SLC7A1: variants seen among roughly 807,000 people sequenced by gnomAD.
SLC7A1 encodes the protein solute carrier family 7 member 1, also known as high affinity cationic amino acid transporter 1.
In SLC7A1, 10 loss-of-function variants were observed where a neutral mutation model predicts 53.9. That is an observed-to-expected ratio of 0.19 (90% CI 0.11 to 0.31). SLC7A1 has a LOEUF of 0.31. Among genes scored for constraint, SLC7A1 ranks in the 10% least tolerant of loss-of-function variants. The probability of loss-of-function intolerance (pLI) is 1.00; values close to 1 mark genes in which losing one functional copy is unlikely to be tolerated. For synonymous variants in SLC7A1, 342 were observed against 338.7 expected (o/e 1.01, Z -0.11); for missense variants, 525 against 827.2 (o/e 0.63, Z 4.48).
chr13:29,584,205 C>T (rs912810429), intron 1 of SLC7A1, among the ~76,000 whole-genome samples: 11 of 152,126 alleles, frequency 7.2e-5, no homozygotes, highest in African/African-American at 2.4e-4. Context: ...CCTCCACCTC[C>T]TGGGCTTAAG....
chr13:29,587,271 C>T (rs1198422330), intron 1 of SLC7A1, among the ~76,000 whole-genome samples: 1 of 152,158 alleles, frequency 6.6e-6, no homozygotes, highest in Non-Finnish European at 1.5e-5. Flanking sequence ...CGTTCTGGGC[C>T]AGGAAAGGGG....
intron 4 of SLC7A1, among the ~76,000 whole-genome samples, chr13:29,531,014 C>A (rs1419322112): frequency 6.6e-6 from 1 of 152,180 alleles, no homozygotes; most frequent in Non-Finnish European, 1.5e-5. Context: ...GGAGCATGAG[C>A]CCCTCTCATA....
Position 29,523,294 on chromosome 13 carries a change from C to T in SLC7A1, c.1021G>A (p.Val341Met), listed in dbSNP as rs771609121. Residue 341 changes from valine to methionine, a missense_variant, in exon 7 of 13, where the codon GTG becomes ATG. Transcript: ENST00000380752. ...GWEGAKYAVA[V>M]GSLCALSASL... ...GCGGAAAGAGCGCAGAGGGAGCCCACGGCCACTGCGTACTTGGCACCTTCC... is the reference window on the plus strand; with the variant it reads ...GCGGAAAGAGCGCAGAGGGAGCCCATGGCCACTGCGTACTTGGCACCTTCC... The T allele has an allele frequency of 2.0e-5, 32 of 1,613,498 alleles. No homozygotes were observed. The highest frequency in any genetic ancestry group is 4.5e-5 in the East Asian group (2 of 44,876).
intron 12 of SLC7A1, 83 bp downstream of exon 12, chr13:29,516,055 G>A (rs1883545274): frequency 6.3e-6 from 5 of 791,970 alleles, no homozygotes; most frequent in South Asian, 3.5e-5. Flanking sequence ...CTGGATGTGC[G>A]TCATTCTGTT....
At chr13:29,529,303 A>G (rs971616602) in intron 5 of SLC7A1, among the ~76,000 whole-genome samples, 1 of 152,226 alleles carries the variant, frequency 6.6e-6, no homozygotes, top group Non-Finnish European at 1.5e-5. Context: ...GCCCACTGGT[A>G]ACAATACTGG....
intron 1 of SLC7A1, among the ~76,000 whole-genome samples, chr13:29,590,720 C>G (rs983205505): frequency 6.6e-6 from 1 of 152,156 alleles, no homozygotes; most frequent in Non-Finnish European, 1.5e-5. Flanking sequence ...TATGTCTGCC[C>G]CTTCTAATTT....
chr13:29,523,066 C>T (rs1229548441), intron 7 of SLC7A1, among the ~76,000 whole-genome samples, 200 bp downstream of exon 7: 1 of 152,098 alleles, frequency 6.6e-6, no homozygotes, highest in East Asian at 1.9e-4. Flanking sequence ...TTCTCAATAA[C>T]ACAACTCTTG....
At chr13:29,561,661 C>T (rs540780370) in intron 1 of SLC7A1, among the ~76,000 whole-genome samples, 11 of 152,094 alleles carry the variant, frequency 7.2e-5, no homozygotes, top group Non-Finnish European at 1.6e-4. Flanking sequence ...TGATGGAGGA[C>T]AGAAATCAAA....
At chr13:29,527,599 C>T (rs775708941) in intron 5 of SLC7A1, among the ~76,000 whole-genome samples, 3 of 152,204 alleles carry the variant, frequency 2.0e-5, no homozygotes, top group Non-Finnish European at 4.4e-5. Context: ...CAGCAAATGT[C>T]GCCCCGAGAC....
intron 2 of SLC7A1, among the ~76,000 whole-genome samples, chr13:29,540,869 G>T (rs1270058837): frequency 6.6e-6 from 1 of 152,186 alleles, no homozygotes; most frequent in Non-Finnish European, 1.5e-5. Context: ...TTATTAGGGT[G>T]GTATTACTAT....
At chr13:29,594,960 G>C (rs1317456650) in intron 1 of SLC7A1, among the ~76,000 whole-genome samples, 2 of 152,126 alleles carry the variant, frequency 1.3e-5, no homozygotes, top group African/African-American at 4.8e-5. Context: ...GGCGGGGCGG[G>C]GTGCTCTGCA....
intron 5 of SLC7A1, among the ~76,000 whole-genome samples, chr13:29,525,853 C>T (rs116602628): frequency 0.022 from 3,406 of 152,272 alleles, 114 homozygotes; most frequent in African/African-American, 0.078. Flanking sequence ...CCAGGACAGA[C>T]AAGTCAGCAG....
intron 1 of SLC7A1, among the ~76,000 whole-genome samples, chr13:29,590,254 G>A (rs1324832655): frequency 6.6e-6 from 1 of 152,174 alleles, no homozygotes; most frequent in Non-Finnish European, 1.5e-5. Flanking sequence ...ACGGCCCAGA[G>A]TTTCAGCTTT....
intron 1 of SLC7A1, among the ~76,000 whole-genome samples, chr13:29,567,686 G>C (rs1319602022): frequency 6.6e-6 from 1 of 152,148 alleles, no homozygotes; most frequent in Admixed American, 6.5e-5. Flanking sequence ...GATGCAACCC[G>C]GACAGTGCGG....
chr13:29,590,464 T>C (rs1872064011), intron 1 of SLC7A1, among the ~76,000 whole-genome samples: 1 of 152,098 alleles, frequency 6.6e-6, no homozygotes, highest in African/African-American at 2.4e-5. Context: ...GAGAGCTCTG[T>C]TTCCCAGGAG....
At chr13:29,541,036 C>G (rs1401997915) in intron 2 of SLC7A1, among the ~76,000 whole-genome samples, 8 of 152,108 alleles carry the variant, frequency 5.3e-5, no homozygotes, top group African/African-American at 1.9e-4. Flanking sequence ...AGGGCTCACA[C>G]AGCTGAGTGA....
chr13:29,556,935 C>T (rs1173512257), intron 1 of SLC7A1, among the ~76,000 whole-genome samples: 1 of 152,222 alleles, frequency 6.6e-6, no homozygotes, highest in African/African-American at 2.4e-5. Context: ...GTCATAGTCT[C>T]CTGTCGTGGT....
intron 1 of SLC7A1, among the ~76,000 whole-genome samples, chr13:29,555,163 C>T (rs1348036504): frequency 1.3e-5 from 2 of 150,200 alleles, no homozygotes; most frequent in Non-Finnish European, 3.0e-5. Flanking sequence ...TCGAGACCAT[C>T]CCGGCTAAAA....
intron 1 of SLC7A1, among the ~76,000 whole-genome samples, chr13:29,586,444 A>G (rs535346479): frequency 6.6e-6 from 1 of 152,358 alleles, no homozygotes; most frequent in African/African-American, 2.4e-5. Flanking sequence ...GCAAATACAT[A>G]TATCTCATTA....
Sources: gnomAD v4.1 joint callset for allele counts (sites outside exome capture counted in the v4.1 genomes callset) on GRCh38, gnomAD v4.1.1 for gene constraint, MANE v1.5 for transcripts, NCBI Gene and HGNC (gene_info 2026-07-23, HGNC 2026-07-21) for gene names.